The following KCNIP4 variants were observed in gnomAD, a reference collection of about 807,000 sequenced individuals.
The protein encoded by KCNIP4 is Kv channel-interacting protein 4.
Under a neutral mutation model 34.0 loss-of-function variants are expected in KCNIP4, and 12 were observed. That is an observed-to-expected ratio of 0.35 (90% CI 0.23 to 0.57). The LOEUF (loss-of-function observed/expected upper bound fraction) is 0.57, where lower values mean the gene tolerates loss of function less well. Among genes scored for constraint, KCNIP4 ranks in the 20% least tolerant of loss-of-function variants. KCNIP4 has a pLI of 0.83. For missense variants in KCNIP4, 238 were observed against 311.7 expected, an observed-to-expected ratio of 0.76 and a Z score of 1.78; for synonymous variants, 124 against 102.2, an observed-to-expected ratio of 1.21 and a Z score of -1.29.
intron 1 of KCNIP4, among the ~76,000 whole-genome samples, chr4:21,177,791 T>C (rs1187057392): frequency 1.3e-5 from 2 of 150,678 alleles, no homozygotes; most frequent in Non-Finnish European, 1.5e-5. Context: ...GAGGTTGCAG[T>C]GAGCTGAGAT....
At chr4:21,260,827 T>C (rs549650237) in intron 1 of KCNIP4, among the ~76,000 whole-genome samples, 10 of 152,294 alleles carry the variant, frequency 6.6e-5, no homozygotes, top group African/African-American at 2.4e-4. Flanking sequence ...AGGACAAGAC[T>C]GATATTCCTA....
At chr4:21,010,914 A>G (rs1739006278) in intron 1 of KCNIP4, among the ~76,000 whole-genome samples, 1 of 152,220 alleles carries the variant, frequency 6.6e-6, no homozygotes, top group Admixed American at 6.5e-5. Context: ...TCAAGAGTTC[A>G]TGAAACCAAG....
chr4:21,369,439 T>C (rs1410039820), intron 1 of KCNIP4, among the ~76,000 whole-genome samples: 1 of 146,890 alleles, frequency 6.8e-6, no homozygotes, highest in Non-Finnish European at 1.5e-5. Flanking sequence ...TCAAGAATAC[T>C]AATAGTAGTT....
At chr4:21,876,254 ATAT>A (rs1726103275) in intron 1 of KCNIP4, among the ~76,000 whole-genome samples, 1 of 152,198 alleles carries the variant, frequency 6.6e-6, no homozygotes, top group Non-Finnish European at 1.5e-5. Context: ...CTGCAATGTG[ATAT>A]TATGATTATG....
intron 1 of KCNIP4, among the ~76,000 whole-genome samples, chr4:21,412,483 A>C (rs989338057): frequency 6.6e-6 from 1 of 152,214 alleles, no homozygotes; most frequent in African/African-American, 2.4e-5. Context: ...GCCATTTATT[A>C]GTACTTTGGT....
rs185822399 is a variant in KCNIP4 at position 20,912,067 on chromosome 4, T to A, written c.62-29358A>T. On this transcript the variant is annotated intron_variant, in intron 1 of 8. Transcript: ENST00000382152. ...TTTGCAATTCTCATTTTTTGCCATA[T>A]ACTTCCCCAAAGTAAGGCCTTCATA... Among the ~76,000 whole-genome samples, 7 of 152,354 alleles carry A rather than the reference T, an allele frequency of 4.6e-5. No individual in the cohort carries two copies. In the East Asian group the frequency reaches 1.3e-3, roughly 29 times the overall value.
chr4:21,242,758 A>C (rs1560208535), intron 1 of KCNIP4, among the ~76,000 whole-genome samples: 5 of 152,130 alleles, frequency 3.3e-5, no homozygotes. Context: ...ATGGAATGAA[A>C]TCAAGGGTTT....
intron 1 of KCNIP4, among the ~76,000 whole-genome samples, chr4:21,636,340 T>A (rs1161360758): frequency 6.6e-6 from 1 of 151,434 alleles, no homozygotes; most frequent in Non-Finnish European, 1.5e-5. Context: ...AATTTGGACT[T>A]GCATTCAAAG....
chr4:21,369,414 T>A (rs1404145987), intron 1 of KCNIP4, among the ~76,000 whole-genome samples: 1 of 146,886 alleles, frequency 6.8e-6, no homozygotes, highest in African/African-American at 2.7e-5. Flanking sequence ...CTACCATCGT[T>A]TAGGGATAAG....
intron 1 of KCNIP4, among the ~76,000 whole-genome samples, chr4:21,522,763 G>GA (rs982963032): frequency 1.7e-4 from 25 of 149,746 alleles, no homozygotes; most frequent in South Asian, 4.2e-4. Context: ...AAGTGAGGAT[G>GA]AAAAAAAAAT....
chr4:20,832,968 A>G (rs1283796746), intron 3 of KCNIP4, among the ~76,000 whole-genome samples: 1 of 152,142 alleles, frequency 6.6e-6, no homozygotes, highest in Non-Finnish European at 1.5e-5. Context: ...AGTTTTCTGC[A>G]TGGTGAATAG....
At chr4:21,425,027 G>A (rs2109642722) in intron 1 of KCNIP4, among the ~76,000 whole-genome samples, 1 of 152,270 alleles carries the variant, frequency 6.6e-6, no homozygotes, top group East Asian at 1.9e-4. Context: ...ACAGACATGA[G>A]ATAGGACAAA....
intron 1 of KCNIP4, among the ~76,000 whole-genome samples, chr4:21,870,993 G>A: frequency 6.6e-6 from 1 of 151,752 alleles, no homozygotes; most frequent in Non-Finnish European, 1.5e-5. Flanking sequence ...AGGAAAAAAA[G>A]AATAGACAGA....
In KCNIP4 at chr4:20,817,190, A is replaced by G. The variant is rs549783342; in HGVS notation, c.288+33353T>C. Among the ~76,000 whole-genome samples the G allele has an allele frequency of 4.6e-5, 7 of 152,312 alleles. No individual in the cohort carries two copies. In the South Asian group the frequency reaches 1.4e-3, roughly 32 times the overall value. On this transcript the variant is annotated intron_variant, in intron 3 of 8. Transcript: ENST00000382152. The stretch of plus-strand genomic sequence containing the variant: ...GTGTTGTGGGAATTTAAATTTTAGT[A>G]ATTCTTGATGCAGAATTGGACCTGT...
rs181603197 is a variant in KCNIP4 at position 20,977,221 on chromosome 4, T to C, written c.62-94512A>G. Among the ~76,000 whole-genome samples the C allele has an allele frequency of 5.7e-4, 87 of 152,340 alleles. 1 individual carries two copies. The highest frequency in any genetic ancestry group is 4.7e-3 in the Admixed American group (72 of 15,304). On this transcript the variant is annotated intron_variant, in intron 1 of 8. Coordinates refer to ENST00000382152, the MANE Select transcript of KCNIP4 (RefSeq NM_025221.6). ...CTGCTTCTTTACCTATTACAGCTTT[T>C]GTCTCTGTCTAGTCTTCACTACTTG...
At chr4:21,796,036 T>C (rs1478541145) in intron 1 of KCNIP4, among the ~76,000 whole-genome samples, 1 of 152,174 alleles carries the variant, frequency 6.6e-6, no homozygotes. Context: ...GCCACTGCAC[T>C]TCAGTCTGGA....
At chr4:20,801,862 C>A (rs1024298850) in intron 3 of KCNIP4, among the ~76,000 whole-genome samples, 1 of 151,788 alleles carries the variant, frequency 6.6e-6, no homozygotes, top group African/African-American at 2.4e-5. Flanking sequence ...TAAATAGATT[C>A]AATCCTTTAA....
chr4:21,197,109 C>T (rs1195969160), intron 1 of KCNIP4, among the ~76,000 whole-genome samples: 7 of 152,008 alleles, frequency 4.6e-5, no homozygotes, highest in East Asian at 3.9e-4. Context: ...TTTTTAAAGC[C>T]GTATAATATT....
chr4:21,926,708 C>T (rs10026649), intron 1 of KCNIP4, among the ~76,000 whole-genome samples: 38,929 of 152,034 alleles, frequency 0.26, 5,902 homozygotes, highest in East Asian at 0.62. Flanking sequence ...CAAAGCTGTG[C>T]TCTTCAAACT....
Sources: gnomAD v4.1 joint callset for allele counts (sites outside exome capture counted in the v4.1 genomes callset) on GRCh38, gnomAD v4.1.1 for gene constraint, MANE v1.5 for transcripts, NCBI Gene and HGNC (gene_info 2026-07-23, HGNC 2026-07-21) for gene names.